The following ACAN variants were observed in gnomAD, a reference collection of about 807,000 sequenced individuals.
ACAN encodes aggrecan core protein.
Under a neutral mutation model 169.1 loss-of-function variants are expected in ACAN, and 47 were observed. The ratio of observed to expected loss-of-function variants is 0.28; its 90% CI spans 0.22 to 0.35. The LOEUF (loss-of-function observed/expected upper bound fraction) is 0.35, where lower values mean the gene tolerates loss of function less well. Among genes scored for constraint, ACAN ranks in the 10% least tolerant of loss-of-function variants. The pLI is 1.00. For missense variants in ACAN, 2,716 were observed against 2,759.9 expected (o/e 0.98, Z 0.36); for synonymous variants, 1,115 against 1,112.2 (o/e 1.00, Z -0.05).
At position 88,858,850 on chromosome 15, in the gene ACAN, T is replaced by C. The variant is rs1302191484; in HGVS notation, c.6265T>C (p.Ser2089Pro). ...TGGAGCTACCCCAGTGCTCCCTGGGTCTGGAGTAGAAGTATCATCAGTCCC... is the reference window on the plus strand; with the variant it reads ...TGGAGCTACCCCAGTGCTCCCTGGGCCTGGAGTAGAAGTATCATCAGTCCC... Reference protein sequence around the residue: ...ISGATPVLPGSGVEVSSVPES... With the variant: ...ISGATPVLPGPGVEVSSVPES... The change falls in exon 12 of 19, where the codon TCT becomes CCT. Residue 2089 changes from serine to proline, a missense_variant. Ser to Pro is a moderately conservative substitution (Grantham distance 74). Around this residue, in one of 3 missense-constraint regions of ACAN, gnomAD observed 1,389 missense variants for 1,363.7 expected, o/e 1.02. Coordinates refer to ENST00000560601, the MANE Select transcript of ACAN (RefSeq NM_001369268.1). The surrounding 1 kb of genome is among the most constrained non-coding windows in gnomAD (Gnocchi z 4.0). 1.9e-6 allele frequency: 3 copies of C among 1,613,298 alleles called. No homozygotes were observed. The highest frequency in any genetic ancestry group is 2.5e-6 in the Non-Finnish European group (3 of 1,179,600).
In ACAN at chr15:88,838,028, C is replaced by G. The variant is rs1012686458; in HGVS notation, c.71-635C>G. ...TCCATTATATTAACATGTTTGGAGT[C>G]TGATCCTATCCCATCGCCTCTCCTG... On this transcript the variant is annotated intron_variant, in intron 2 of 18. Transcript: ENST00000560601. This position sits in a 1 kb window ranked among gnomAD's most constrained non-coding sequence, Gnocchi z 5.1. Among the ~76,000 whole-genome samples the G allele has an allele frequency of 2.5e-4, 37 of 150,622 alleles. 1 individual carries two copies. The highest frequency in any genetic ancestry group is 4.4e-5 in the Non-Finnish European group (3 of 67,856).
rs1567195272 is a variant in ACAN, at chr15:88,873,749, G to C, written c.7448-93G>C. ...TCCAGGGCTCACTGTCAGATGTTGA[G>C]GCTGTGTCCCCCACAGTGCCTCGGG... is the stretch of plus-strand genomic sequence containing the variant. On this transcript the variant is annotated intron_variant, in intron 17 of 18. Coordinates refer to ENST00000560601, the MANE Select transcript of ACAN (RefSeq NM_001369268.1). The surrounding 1 kb of genome is among the most constrained non-coding windows in gnomAD (Gnocchi z 7.5). 1 of 1,351,588 alleles carries C rather than the reference G, an allele frequency of 7.4e-7. No individual in the cohort carries two copies. Among genetic ancestry groups the C allele is most frequent in the Non-Finnish European group, 1.0e-6 (1 of 979,760 alleles). The allele number at this position is 1,351,588 out of a possible 1,614,324, so 83.7% of individuals were successfully genotyped here.
In ACAN at chr15:88,871,148, G is replaced by A. The variant is rs1415196304; in HGVS notation, c.7061-234G>A. Among the ~76,000 whole-genome samples, 6 of 151,964 alleles carry A rather than the reference G, an allele frequency of 3.9e-5. No individual in the cohort carries two copies. In the South Asian group the frequency reaches 6.2e-4, roughly 16 times the overall value. ...GGGAGAGGGTGAGGGGGGAGGGCGT[G>A]GCATCAGGGAAGGAAAGGGCCCCTG... is the stretch of plus-strand genomic sequence containing the variant. On this transcript the variant is annotated intron_variant, in intron 14 of 18. Coordinates refer to ENST00000560601, the MANE Select transcript of ACAN (RefSeq NM_001369268.1). The surrounding 1 kb of genome is among the most constrained non-coding windows in gnomAD (Gnocchi z 7.8).
In ACAN at chr15:88,840,127, C is replaced by A. The variant is rs369187075; in HGVS notation, c.570C>A (p.Ala190=). ...TTGCCACGCCTGAGCAGCTGCAGGCCGCCTACGAAGACGGCTTCCACCAGT... is the reference window on the plus strand; with the variant it reads ...TTGCCACGCCTGAGCAGCTGCAGGCAGCCTACGAAGACGGCTTCCACCAGT... ...AIIATPEQLQ[A]AYEDGFHQCD... Residue 190 remains alanine (A), a synonymous_variant, in exon 4 of 19, where the codon GCC becomes GCA. Transcript: ENST00000560601. 1.9e-6 allele frequency: 3 copies of A among 1,605,876 alleles called. No individual in the cohort carries two copies. In the South Asian group the frequency reaches 3.4e-5, roughly 18 times the overall value.
At position 88,839,868 on chromosome 15, in the gene ACAN, G is replaced by A. The variant is rs1236356866; in HGVS notation, c.455-144G>A. 3.3e-6 allele frequency: 3 copies of A among 900,338 alleles called. No homozygotes were observed. In the South Asian group the frequency reaches 5.2e-5, roughly 16 times the overall value. 55.8% of individuals were successfully genotyped at this position (900,338 alleles called of 1,614,324 possible). ...CAAATTCAGAAGGATCACGTGCAAAGGTGTACAGGGAGTCATGCATCAGCC... is the reference window on the plus strand; with the variant it reads ...CAAATTCAGAAGGATCACGTGCAAAAGTGTACAGGGAGTCATGCATCAGCC... On this transcript the variant is annotated intron_variant, in intron 3 of 18. Coordinates refer to ENST00000560601, the MANE Select transcript of ACAN (RefSeq NM_001369268.1). The surrounding 1 kb of genome is among the most constrained non-coding windows in gnomAD (Gnocchi z 4.5).
intron 1 of ACAN, among the ~76,000 whole-genome samples, chr15:88,805,679 C>G (rs1895661073): frequency 6.6e-6 from 1 of 152,204 alleles, no homozygotes; most frequent in Admixed American, 6.5e-5. Context: ...TAGTGCCTGG[C>G]ACTGGGCAAG....
At position 88,814,349 on chromosome 15, in the gene ACAN, T is replaced by G. The variant is rs1895889404; in HGVS notation, c.-8+10540T>G. ...CGTTCCTGGTATCTCTGAACCTGAA[T>G]TTTTGGATGATCATGACTGCCTCCT... On this transcript the variant is annotated intron_variant, in intron 1 of 18. Coordinates refer to ENST00000560601, the MANE Select transcript of ACAN (RefSeq NM_001369268.1). The surrounding 1 kb of genome is among the most constrained non-coding windows in gnomAD (Gnocchi z 4.0). Among the ~76,000 whole-genome samples the G allele has an allele frequency of 6.6e-6, 1 of 152,228 alleles. No homozygotes were observed. The highest frequency in any genetic ancestry group is 2.4e-5 in the African/African-American group (1 of 41,458).
rs1481952629 is a variant in ACAN, at chr15:88,873,699, AG to A, written c.7448-142del. The A allele has an allele frequency of 1.2e-6, 1 of 843,608 alleles. No individual in the cohort carries two copies. Among genetic ancestry groups the A allele is most frequent in the Non-Finnish European group, 1.8e-6 (1 of 554,408 alleles). 52.3% of individuals were successfully genotyped at this position (843,608 alleles called of 1,614,324 possible). A position where few individuals can be genotyped will look rare whatever the true frequency, so the allele number is the denominator to read the frequency against. The stretch of plus-strand genomic sequence containing the variant: ...CCAGATGTTACAGCCAGCGGCTTCC[AG>A]ATTCTTAGCGCTGCATGAAAACGTC... On this transcript the variant is annotated intron_variant, in intron 17 of 18. Transcript: ENST00000560601. This position sits in a 1 kb window ranked among gnomAD's most constrained non-coding sequence, Gnocchi z 7.5.
At position 88,872,659 on chromosome 15, in the gene ACAN, C is replaced by G. The variant is rs1442321745; in HGVS notation, c.7303-222C>G. 6.6e-6 allele frequency among the ~76,000 whole-genome samples: 1 copy of G among 152,104 alleles called. No individual in the cohort carries two copies. Among genetic ancestry groups the G allele is most frequent in the Non-Finnish European group, 1.5e-5 (1 of 68,024 alleles). On this transcript the variant is annotated intron_variant, in intron 16 of 18. Transcript: ENST00000560601. The surrounding 1 kb of genome is among the most constrained non-coding windows in gnomAD (Gnocchi z 5.4). Reference sequence around the variant, plus strand: ...TCTGAGCTCCTGAGAAGGACCTGAGCCAAGCTGTGTGACTGATTCCCTAGA... The same window carrying G: ...TCTGAGCTCCTGAGAAGGACCTGAGGCAAGCTGTGTGACTGATTCCCTAGA...
In ACAN at chr15:88,803,687, C is replaced by G. The variant is rs1596105996; in HGVS notation, c.-130C>G. 6.6e-6 allele frequency: 1 copy of G among 152,192 alleles called. No individual in the cohort carries two copies. The highest frequency in any genetic ancestry group is 2.4e-5 in the African/African-American group (1 of 41,426). 9.4% of individuals were successfully genotyped at this position (152,192 alleles called of 1,614,324 possible). A position where few individuals can be genotyped will look rare whatever the true frequency, so the allele number is the denominator to read the frequency against. On this transcript the variant is annotated 5_prime_UTR_variant, in exon 1 of 19. Transcript: ENST00000560601. Reference sequence around the variant, plus strand: ...CCGGCAGGAGGAGGGGTGCGCAGCGCCCGCGCAGAGCGTCTCCCTCGCTAC... The same window carrying G: ...CCGGCAGGAGGAGGGGTGCGCAGCGGCCGCGCAGAGCGTCTCCCTCGCTAC...
In ACAN at chr15:88,870,720, C is replaced by G. The variant is rs1418841383; in HGVS notation, c.7061-662C>G. Among the ~76,000 whole-genome samples the G allele has an allele frequency of 6.6e-6, 1 of 152,150 alleles. No individual in the cohort carries two copies. The highest frequency in any genetic ancestry group is 1.5e-5 in the Non-Finnish European group (1 of 68,032). On this transcript the variant is annotated intron_variant, in intron 14 of 18. Transcript: ENST00000560601. This position sits in a 1 kb window ranked among gnomAD's most constrained non-coding sequence, Gnocchi z 6.3. ...GCTCCTCCCCTCTTCCCATTCACCC[C>G]CAAAATAAAAAGCCAGGGCCCCTGG...
rs758382728 is a variant in ACAN, at chr15:88,857,189, T to C, written c.4604T>C (p.Leu1535Pro). 2 of 1,613,840 alleles carry C rather than the reference T, an allele frequency of 1.2e-6. No homozygotes were observed. The highest frequency in any genetic ancestry group is 1.7e-6 in the Non-Finnish European group (2 of 1,179,814). Residue 1535 changes from leucine (L) to proline (P), a missense_variant, in exon 12 of 19, where the codon CTA (leucine) becomes CCA (proline). Transcript: ENST00000560601. ...LSRLPSGEEV[L>P]EISASGFGDL... ...AGGCTCCCTTCTGGAGAAGAAGTTC[T>C]AGAGATTTCTGCCTCTGGATTTGGG...
chr15:88,813,240 A>G (rs1011552230), intron 1 of ACAN, among the ~76,000 whole-genome samples: 1 of 152,258 alleles, frequency 6.6e-6, no homozygotes, highest in Non-Finnish European at 1.5e-5. Context: ...CGCGGGGGTC[A>G]GTCCATGATA....
At chr15:88,813,791 C>T (rs865876768) in intron 1 of ACAN, among the ~76,000 whole-genome samples, 1 of 152,192 alleles carries the variant, frequency 6.6e-6, no homozygotes, top group South Asian at 2.1e-4. Context: ...GGCTACTCAG[C>T]CTTCGTGACT....
rs947211600 is a variant in ACAN at position 88,814,159 on chromosome 15, C to T, written c.-8+10350C>T. Among the ~76,000 whole-genome samples, 3 of 152,224 alleles carry T rather than the reference C, an allele frequency of 2.0e-5. No individual in the cohort carries two copies. The highest frequency in any genetic ancestry group is 4.4e-5 in the Non-Finnish European group (3 of 68,044). On this transcript the variant is annotated intron_variant, in intron 1 of 18. Coordinates refer to ENST00000560601, the MANE Select transcript of ACAN (RefSeq NM_001369268.1). This position sits in a 1 kb window ranked among gnomAD's most constrained non-coding sequence, Gnocchi z 4.0. ...TGTGACCTTGACAGAGTTGATTAGT[C>T]TTGCTGTGCCTCGTTTTCCTCATCT...
Position 88,807,990 on chromosome 15 carries a change from C to T in ACAN, c.-8+4181C>T, listed in dbSNP as rs1895728189. 6.6e-6 allele frequency among the ~76,000 whole-genome samples: 1 copy of T among 152,044 alleles called. No individual in the cohort carries two copies. Among genetic ancestry groups the T allele is most frequent in the South Asian group, 2.1e-4 (1 of 4,818 alleles). Reference sequence around the variant, plus strand: ...TGTTTTTCCTCTTAAGATACACACTCAAAAAAGGAGCCACCTCTTCTGTGT... The same window carrying T: ...TGTTTTTCCTCTTAAGATACACACTTAAAAAAGGAGCCACCTCTTCTGTGT... On this transcript the variant is annotated intron_variant, in intron 1 of 18. Transcript: ENST00000560601. This position sits in a 1 kb window ranked among gnomAD's most constrained non-coding sequence, Gnocchi z 4.0.
intron 1 of ACAN, among the ~76,000 whole-genome samples, chr15:88,826,707 T>A (rs1485159951): frequency 6.6e-6 from 1 of 152,184 alleles, no homozygotes; most frequent in Non-Finnish European, 1.5e-5. Context: ...AACTAATTAG[T>A]GATGCATTTT....
rs1233455548 is a variant in ACAN, at chr15:88,859,006, C to T, written c.6421C>T (p.Leu2141Phe). ...CACCTCTGCATTCCACGAAGCTAACCTTGAGAGATCCTCTGGCCTAGGAGT... is the reference window on the plus strand; with the variant it reads ...CACCTCTGCATTCCACGAAGCTAACTTTGAGAGATCCTCTGGCCTAGGAGT... ...ETTSAFHEAN[L>F]ERSSGLGVSG... The change falls in exon 12 of 19, where the codon CTT (leucine) becomes TTT (phenylalanine). Residue 2141 changes from leucine to phenylalanine, a missense_variant. By Grantham distance (22) the Leu-to-Phe change is conservative. Around this residue, in one of 3 missense-constraint regions of ACAN, gnomAD observed 1,389 missense variants for 1,363.7 expected, o/e 1.02. Transcript: ENST00000560601. 1.9e-6 allele frequency: 3 copies of T among 1,613,852 alleles called. No homozygotes were observed. In the South Asian group the frequency reaches 3.3e-5, roughly 18 times the overall value.
At chr15:88,848,468 GC>G (rs1313308909) in intron 9 of ACAN, among the ~76,000 whole-genome samples, 1 of 152,180 alleles carries the variant, frequency 6.6e-6, no homozygotes, top group Non-Finnish European at 1.5e-5. Context: ...TGTAATCCCA[GC>G]ACTTTGAGAG....
Sources: allele counts gnomAD v4.1 joint callset (sites outside exome capture counted in the v4.1 genomes callset), GRCh38; gene constraint gnomAD v4.1.1; regional missense constraint gnomAD v4.1.1; non-coding constraint Gnocchi (gnomAD v3.1); transcripts MANE v1.5; gene names NCBI Gene and HGNC (gene_info 2026-07-23, HGNC 2026-07-21).